The following TRAPPC9 variants were observed in gnomAD, a reference collection of about 807,000 sequenced individuals.
TRAPPC9 encodes IKK2 binding protein.
In TRAPPC9, 83 loss-of-function variants were observed where a neutral mutation model predicts 124.0. The ratio of observed to expected loss-of-function variants is 0.67; its 90% CI spans 0.56 to 0.80. TRAPPC9 has a LOEUF of 0.80. TRAPPC9 is among the 30% of genes least tolerant of loss of function. The probability of loss-of-function intolerance (pLI) is 0.00; values close to 1 mark genes in which losing one functional copy is unlikely to be tolerated. For missense variants in TRAPPC9, 1,302 were observed against 1,508.3 expected, an observed-to-expected ratio of 0.86 and a Z score of 2.27; for synonymous variants, 638 against 617.5, an observed-to-expected ratio of 1.03 and a Z score of -0.49.
At chr8:139,937,255 A>C (rs953570954) in intron 19 of TRAPPC9, among the ~76,000 whole-genome samples, 2 of 152,218 alleles carry the variant, frequency 1.3e-5, no homozygotes, top group African/African-American at 4.8e-5. Context: ...GAGTGAACAC[A>C]AAACGATCCC....
chr8:139,999,865 A>T (rs920891712), intron 18 of TRAPPC9, among the ~76,000 whole-genome samples: 1 of 152,226 alleles, frequency 6.6e-6, no homozygotes. Context: ...TTTTGGAGTG[A>T]ACAAAAATAA....
chr8:140,118,343 AAATGTTT>A, intron 17 of TRAPPC9, among the ~76,000 whole-genome samples: 1 of 152,384 alleles, frequency 6.6e-6, no homozygotes, highest in Middle Eastern at 3.4e-3. Context: ...GGTGATTAGC[AAATGTTT>A]AATGAATGAA....
rs1046914148 is a variant in TRAPPC9 at position 140,181,184 on chromosome 8, G to A, written c.2556+40275C>T. Among the ~76,000 whole-genome samples the A allele has an allele frequency of 2.0e-5, 3 of 152,098 alleles. No individual in the cohort carries two copies. In the South Asian group the frequency reaches 6.2e-4, roughly 32 times the overall value. On this transcript the variant is annotated intron_variant, in intron 17 of 22. Transcript: ENST00000438773. ...CTTCCAAATTACTCTGTCTTCAATT[G>A]CATCTAGTCTCTTCTTTAACTCCTC...
Position 139,885,801 on chromosome 8 carries a change from C to A in TRAPPC9, c.3055+78G>T. The A allele has an allele frequency of 4.3e-6, 6 of 1,403,762 alleles. No homozygotes were observed. The South Asian group carries it at 7.4e-5, about 17-fold the overall frequency. The allele number at this position is 1,403,762 out of a possible 1,614,324, so 87.0% of individuals were successfully genotyped here. Reference sequence around the variant, plus strand: ...CAACATTTGGGGTGCCCAGCCACACCCCCCAAGACCTTGCTCGTGCATTTG... The same window carrying A: ...CAACATTTGGGGTGCCCAGCCACACACCCCAAGACCTTGCTCGTGCATTTG... On this transcript the variant is annotated intron_variant, in intron 21 of 22. Coordinates refer to ENST00000438773, the MANE Select transcript of TRAPPC9 (RefSeq NM_001160372.4).
At chr8:140,302,317 C>G (rs2066002292) in intron 10 of TRAPPC9, among the ~76,000 whole-genome samples, 1 of 152,242 alleles carries the variant, frequency 6.6e-6, no homozygotes, top group Non-Finnish European at 1.5e-5. Context: ...TCCCTTCGCT[C>G]TGTGTGTGCC....
At chr8:140,427,396 CACACACACAT>C (rs2070467329) in intron 4 of TRAPPC9, among the ~76,000 whole-genome samples, 1 of 152,018 alleles carries the variant, frequency 6.6e-6, no homozygotes, top group African/African-American at 2.4e-5. Flanking sequence ...CACACACACA[CACACACACAT>C]ACACACACAG....
intron 17 of TRAPPC9, among the ~76,000 whole-genome samples, chr8:140,043,674 C>T (rs1841405294): frequency 6.6e-6 from 1 of 152,202 alleles, no homozygotes; most frequent in African/African-American, 2.4e-5. Context: ...GCTGGGCCAA[C>T]ACCAGTGTTT....
intron 16 of TRAPPC9, among the ~76,000 whole-genome samples, 199 bp from the exon 17 acceptor site, chr8:140,221,782 C>T (rs898368249): frequency 2.0e-5 from 3 of 152,160 alleles, no homozygotes; most frequent in African/African-American, 4.8e-5. Flanking sequence ...GGACTAAAGG[C>T]GTGCGCCACC....
intron 17 of TRAPPC9, among the ~76,000 whole-genome samples, chr8:140,211,025 T>TAAA (rs750474367): frequency 7.3e-5 from 11 of 151,570 alleles, no homozygotes; most frequent in African/African-American, 2.2e-4. Flanking sequence ...TTTTTTTTTT[T>TAAA]AAAAACTTGA....
At chr8:140,177,063 C>T (rs962484122) in intron 17 of TRAPPC9, among the ~76,000 whole-genome samples, 6 of 152,138 alleles carry the variant, frequency 3.9e-5, no homozygotes, top group Non-Finnish European at 8.8e-5. Flanking sequence ...TTAACAGATA[C>T]ATGTTTTGCA....
At chr8:140,000,401 G>A (rs1326584161) in intron 18 of TRAPPC9, among the ~76,000 whole-genome samples, 1 of 152,146 alleles carries the variant, frequency 6.6e-6, no homozygotes, top group Non-Finnish European at 1.5e-5. Context: ...TTAAACTAAA[G>A]AGCTTCTGCA....
intron 20 of TRAPPC9, among the ~76,000 whole-genome samples, chr8:139,894,349 C>T (rs552275530): frequency 7.2e-5 from 11 of 152,286 alleles, no homozygotes; most frequent in South Asian, 2.1e-4. Context: ...CTGGTCACCG[C>T]GCACGACTGG....
intron 21 of TRAPPC9, among the ~76,000 whole-genome samples, chr8:139,885,534 C>A (rs1300670592): frequency 1.3e-5 from 2 of 152,222 alleles, no homozygotes; most frequent in Non-Finnish European, 2.9e-5. Context: ...CCGCCAGACA[C>A]AGTCAATTGC....
intron 20 of TRAPPC9, among the ~76,000 whole-genome samples, chr8:139,902,330 C>G (rs1831071752): frequency 6.6e-6 from 1 of 152,196 alleles, no homozygotes; most frequent in Non-Finnish European, 1.5e-5. Context: ...GTGCCTCTCC[C>G]ACCTTACCCT....
chr8:139,908,719 G>C (rs1831519664), intron 20 of TRAPPC9: 1 of 152,306 alleles, frequency 6.6e-6, no homozygotes, highest in Non-Finnish European at 1.5e-5. Flanking sequence ...ATGGGGTGAT[G>C]GGTGCACGCC....
intron 11 of TRAPPC9, among the ~76,000 whole-genome samples, chr8:140,299,611 C>T (rs1224313402): frequency 1.3e-4 from 20 of 152,234 alleles, no homozygotes. Context: ...GACGTGTGGG[C>T]TCAGCCGGCA....
At chr8:139,934,570 T>C (rs770272864) in intron 19 of TRAPPC9, among the ~76,000 whole-genome samples, 11 of 152,214 alleles carry the variant, frequency 7.2e-5, no homozygotes, top group African/African-American at 1.4e-4. Context: ...TCAGCCCCTG[T>C]CTGAGTCATC....
At chr8:140,437,157 TTTA>T in intron 3 of TRAPPC9, among the ~76,000 whole-genome samples, 1 of 151,716 alleles carries the variant, frequency 6.6e-6, no homozygotes, top group Non-Finnish European at 1.5e-5. Flanking sequence ...TTTATTTTAT[TTTA>T]TTTTGGTAGA....
chr8:140,114,358 A>G, intron 17 of TRAPPC9, among the ~76,000 whole-genome samples: 1 of 151,066 alleles, frequency 6.6e-6, no homozygotes, highest in Non-Finnish European at 1.5e-5. Context: ...AAAACCTCAC[A>G]AAAGAAAATA....
Sources: allele counts gnomAD v4.1 joint callset (sites outside exome capture counted in the v4.1 genomes callset), GRCh38; gene constraint gnomAD v4.1.1; transcripts MANE v1.5; gene names NCBI Gene and HGNC (gene_info 2026-07-23, HGNC 2026-07-21).